ETV5: variants seen among roughly 807,000 people sequenced by gnomAD.
ETV5 encodes ETS translocation variant 5.
Under a neutral mutation model 70.0 loss-of-function variants are expected in ETV5, and 10 were observed. The observed-to-expected ratio is 0.14, with a 90% CI of 0.09 to 0.24. The LOEUF (loss-of-function observed/expected upper bound fraction) is 0.24, where lower values mean the gene tolerates loss of function less well. Among genes scored for constraint, ETV5 ranks in the 10% least tolerant of loss-of-function variants. The pLI is 1.00. For missense variants in ETV5, 453 were observed against 651.2 expected (o/e 0.70, Z 3.31); for synonymous variants, 216 against 242.2 (o/e 0.89, Z 1.01).
intron 7 of ETV5, among the ~76,000 whole-genome samples, chr3:186,075,689 C>T (rs560171512): frequency 6.6e-6 from 1 of 152,312 alleles, no homozygotes; most frequent in Admixed American, 6.5e-5. Context: ...ATGACTCCAG[C>T]ACTACACATT....
intron 5 of ETV5, among the ~76,000 whole-genome samples, chr3:186,088,833 T>C (rs1355104151): frequency 6.6e-6 from 1 of 152,168 alleles, no homozygotes; most frequent in Non-Finnish European, 1.5e-5. Flanking sequence ...GCTTCCAACA[T>C]AGTGCTGCCT....
intron 1 of ETV5, chr3:186,108,502 C>CA (rs1017111658): frequency 2.3e-5 from 29 of 1,286,936 alleles, no homozygotes; most frequent in Non-Finnish European, 2.6e-5. Context: ...CAGCGCCTCT[C>CA]AGACATTCCC....
intron 5 of ETV5, among the ~76,000 whole-genome samples, chr3:186,084,461 CTTCATTCATTCATTCA>C (rs67764705): frequency 1.6e-4 from 24 of 150,974 alleles, no homozygotes; most frequent in Admixed American, 2.6e-4. Flanking sequence ...TTCTTTCTGT[CTTCATTCATTCATTCA>C]TTCATTCATT....
chr3:186,088,311 G>A (rs1350016956), intron 5 of ETV5, among the ~76,000 whole-genome samples: 1 of 152,194 alleles, frequency 6.6e-6, no homozygotes, highest in East Asian at 1.9e-4. Flanking sequence ...TGCAGCTCAG[G>A]GGGCTGGCCT....
At chr3:186,077,909 A>T in intron 7 of ETV5, 1 of 707,670 alleles carries the variant, frequency 1.4e-6, no homozygotes, top group Non-Finnish European at 1.8e-6. Context: ...TAGACCCATC[A>T]GTCTCAAAGG....
At chr3:186,108,858 G>C (rs1368768806) in intron 1 of ETV5, 82 bp downstream of exon 1, 4 of 205,260 alleles carry the variant, frequency 1.9e-5, no homozygotes, top group Non-Finnish European at 4.0e-5. Flanking sequence ...ATCAGCCCGT[G>C]AACTCTAGCC....
At chr3:186,072,395 A>G (rs894624072) in intron 7 of ETV5, among the ~76,000 whole-genome samples, 6 of 151,916 alleles carry the variant, frequency 3.9e-5, no homozygotes, top group South Asian at 2.1e-4. Context: ...AAAAAAAGAT[A>G]TGCAAATAAA....
intron 5 of ETV5, among the ~76,000 whole-genome samples, chr3:186,097,210 G>C (rs1714326255): frequency 6.6e-6 from 1 of 151,218 alleles, no homozygotes; most frequent in Non-Finnish European, 1.5e-5. Context: ...AGGGTTTACA[G>C]CCATAGTGAG....
chr3:186,072,861 G>A (rs894456187), intron 7 of ETV5, among the ~76,000 whole-genome samples: 1 of 152,198 alleles, frequency 6.6e-6, no homozygotes, highest in Non-Finnish European at 1.5e-5. Flanking sequence ...TTGGCTGGGC[G>A]TGGTGGTGCA....
Position 186,105,797 on chromosome 3 carries a change from A to C in ETV5, c.45+27T>G, listed in dbSNP as rs781615469. 4 of 1,612,876 alleles carry C rather than the reference A, an allele frequency of 2.5e-6. No individual in the cohort carries two copies. In the Admixed American group the frequency reaches 6.7e-5, roughly 27 times the overall value. On this transcript the variant is annotated intron_variant, in intron 2 of 12. Coordinates refer to ENST00000306376, the MANE Select transcript of ETV5 (RefSeq NM_004454.3). The surrounding 1 kb of genome is among the most constrained non-coding windows in gnomAD (Gnocchi z 4.5). ...GACTCATATTGGAGAGGGAGGACAA[A>C]ACAAACCAAAAGCCACATAAACTTA...
chr3:186,086,621 T>C (rs963607130), intron 5 of ETV5, among the ~76,000 whole-genome samples: 1 of 151,928 alleles, frequency 6.6e-6, no homozygotes, highest in Non-Finnish European at 1.5e-5. Context: ...ATCAACAAAA[T>C]CATCAAATAG....
Position 186,047,226 on chromosome 3 carries a change from G to T in ETV5, c.*1413C>A. 1 of 228,456 alleles carries T rather than the reference G, an allele frequency of 4.4e-6. No individual in the cohort carries two copies. The highest frequency in any genetic ancestry group is 6.3e-5 in the East Asian group (1 of 15,898). 14.2% of individuals were successfully genotyped at this position (228,456 alleles called of 1,614,324 possible). A position where few individuals can be genotyped will look rare whatever the true frequency, so the allele number is the denominator to read the frequency against. ...TCAACTTTCACATAGCTTTAGCTTG[G>T]TTGTTTAAAACTTTTCCAATATAAT... On this transcript the variant is annotated 3_prime_UTR_variant, in exon 13 of 13. Coordinates refer to ENST00000306376, the MANE Select transcript of ETV5 (RefSeq NM_004454.3).
At chr3:186,090,946 G>A (rs899902953) in intron 5 of ETV5, among the ~76,000 whole-genome samples, 4 of 152,332 alleles carry the variant, frequency 2.6e-5, no homozygotes, top group Middle Eastern at 6.8e-3. Flanking sequence ...CTGTGTTGAA[G>A]TAAGTACACT....
intron 7 of ETV5, among the ~76,000 whole-genome samples, chr3:186,077,365 A>G (rs1339018134): frequency 6.6e-6 from 1 of 152,212 alleles, no homozygotes; most frequent in Non-Finnish European, 1.5e-5. Flanking sequence ...GAAGCTTGAT[A>G]TTATCCATGA....
At chr3:186,072,692 C>T (rs1713672607) in intron 7 of ETV5, among the ~76,000 whole-genome samples, 1 of 152,168 alleles carries the variant, frequency 6.6e-6, no homozygotes, top group Non-Finnish European at 1.5e-5. Flanking sequence ...TGTGAGAAGA[C>T]ATTGAGAGAT....
Position 186,055,672 on chromosome 3 carries a change from T to G in ETV5, c.1209+1403A>C, listed in dbSNP as rs574156130. Among the ~76,000 whole-genome samples the G allele has an allele frequency of 2.1e-4, 32 of 152,362 alleles. No individual in the cohort carries two copies. In the South Asian group the frequency reaches 6.2e-3, roughly 30 times the overall value. On this transcript the variant is annotated intron_variant, in intron 11 of 12. Transcript: ENST00000306376. ...TTCTCCTATCAATCAGGATTCTTCA[T>G]AAATTTCTAATCCACACATTCTCCT...
intron 12 of ETV5, among the ~76,000 whole-genome samples, chr3:186,051,346 C>T (rs551994398): frequency 5.9e-5 from 9 of 152,324 alleles, no homozygotes; most frequent in African/African-American, 9.6e-5. Context: ...CAGTACATTA[C>T]GAATTTGGTA....
chr3:186,081,468 A>T (rs1488533327), intron 5 of ETV5, among the ~76,000 whole-genome samples: 2 of 152,044 alleles, frequency 1.3e-5, no homozygotes, highest in Non-Finnish European at 2.9e-5. Context: ...ATCCTTAAAA[A>T]CCTTGCAGGT....
At chr3:186,108,594 G>C in intron 1 of ETV5, 1 of 1,230,602 alleles carries the variant, frequency 8.1e-7, no homozygotes, top group Non-Finnish European at 1.0e-6. Flanking sequence ...GTCCCCTCGG[G>C]GCTCTCGAAT....
Sources: allele counts gnomAD v4.1 joint callset (sites outside exome capture counted in the v4.1 genomes callset), GRCh38; gene constraint gnomAD v4.1.1; non-coding constraint Gnocchi (gnomAD v3.1); transcripts MANE v1.5; gene names NCBI Gene and HGNC (gene_info 2026-07-23, HGNC 2026-07-21).